PMS1: variants seen among roughly 807,000 people sequenced by gnomAD.
The protein encoded by PMS1 is PMS1 protein homolog 1.
Under a neutral mutation model 93.1 loss-of-function variants are expected in PMS1, and 79 were observed. That is an observed-to-expected ratio of 0.85 (90% CI 0.71 to 1.02). The LOEUF (loss-of-function observed/expected upper bound fraction) is 1.02. Among genes scored for constraint, PMS1 ranks in the 50% least tolerant of loss-of-function variants. PMS1 has a pLI of 0.00. For missense variants in PMS1, 1,064 were observed against 1,085.3 expected (o/e 0.98, Z 0.28); for synonymous variants, 335 against 363.4 (o/e 0.92, Z 0.89).
At chr2:189,799,063 T>C (rs2049634254) in intron 3 of PMS1, among the ~76,000 whole-genome samples, 1 of 152,200 alleles carries the variant, frequency 6.6e-6, no homozygotes, top group African/African-American at 2.4e-5. Flanking sequence ...GTTTCCTTAT[T>C]TGATTACTTA....
At chr2:189,858,633 C>T (rs759302753) in intron 9 of PMS1, among the ~76,000 whole-genome samples, 1 of 151,968 alleles carries the variant, frequency 6.6e-6, no homozygotes, top group Non-Finnish European at 1.5e-5. Context: ...CTCATTTTAC[C>T]ACTGCACAGG....
intron 5 of PMS1, among the ~76,000 whole-genome samples, chr2:189,826,619 A>G (rs577911990): frequency 2.4e-4 from 37 of 152,300 alleles, no homozygotes; most frequent in African/African-American, 8.2e-4. Context: ...TGTAAGCACT[A>G]TTAGGAGTCT....
intron 5 of PMS1, among the ~76,000 whole-genome samples, chr2:189,820,296 CTCT>C (rs1469271063): frequency 6.6e-6 from 1 of 151,940 alleles, no homozygotes; most frequent in Admixed American, 6.6e-5. Flanking sequence ...CTACCATGCT[CTCT>C]TCCTTTTTTT....
chr2:189,876,561 G>A (rs982540201), intron 12 of PMS1, among the ~76,000 whole-genome samples: 3 of 151,842 alleles, frequency 2.0e-5, no homozygotes, highest in African/African-American at 7.3e-5. Context: ...TTCTGTCTGC[G>A]TGAGATGCTT....
chr2:189,802,221 G>A (rs186046869), intron 3 of PMS1, among the ~76,000 whole-genome samples: 214 of 152,264 alleles, frequency 1.4e-3, no homozygotes, highest in African/African-American at 4.8e-3. Context: ...TCGCTATGCA[G>A]TCAAAAATTC....
chr2:189,863,899 A>G lies in PMS1; in HGVS notation c.2013A>G (p.Ser671=). The change falls in exon 10 of 13, where the codon TCA becomes TCG. Residue 671 remains serine (S), a synonymous_variant. Coordinates refer to ENST00000441310, the MANE Select transcript of PMS1 (RefSeq NM_000534.5). ...NLAQKHKLKT[S]LSNQPKLDEL... is the part of the protein sequence containing the mutation. ...CCCAGAAGCACAAGTTAAAAACCTC[A>G]TTATCTAATCAACCAAAACTTGATG... is the stretch of plus-strand genomic sequence containing the variant. The G allele has an allele frequency of 1.2e-6, 2 of 1,613,868 alleles. No homozygotes were observed. Among genetic ancestry groups the G allele is most frequent in the Non-Finnish European group, 1.7e-6 (2 of 1,179,788 alleles).
intron 6 of PMS1, 40 bp downstream of exon 6, chr2:189,844,120 C>G (rs1177021055): frequency 6.2e-7 from 1 of 1,610,536 alleles, no homozygotes; most frequent in Admixed American, 1.7e-5. Flanking sequence ...CTGATTTACT[C>G]ATGAAGCTGT....
At chr2:189,817,579 A>G (rs1332543011) in intron 4 of PMS1, among the ~76,000 whole-genome samples, 1 of 152,198 alleles carries the variant, frequency 6.6e-6, no homozygotes, top group Non-Finnish European at 1.5e-5. Context: ...AAAATGAGGT[A>G]AATTTAACTA....
chr2:189,851,073 T>C (rs2054662712), intron 6 of PMS1, among the ~76,000 whole-genome samples: 1 of 152,234 alleles, frequency 6.6e-6, no homozygotes, highest in Non-Finnish European at 1.5e-5. Flanking sequence ...TCTCAAGTTA[T>C]TTTTCCATGA....
At chr2:189,852,176 T>TA (rs1396223891) in intron 6 of PMS1, among the ~76,000 whole-genome samples, 1 of 152,072 alleles carries the variant, frequency 6.6e-6, no homozygotes, top group Non-Finnish European at 1.5e-5. Flanking sequence ...TTTTTTTTTT[T>TA]AACTCAGAAA....
chr2:189,871,580 C>A (rs1021122223), intron 11 of PMS1, among the ~76,000 whole-genome samples: 4 of 152,202 alleles, frequency 2.6e-5, no homozygotes, highest in Non-Finnish European at 5.9e-5. Context: ...GCATTTTAGT[C>A]ACAACCATTT....
intron 6 of PMS1, among the ~76,000 whole-genome samples, chr2:189,850,405 C>CCTGCTAGCT (rs995478524): frequency 2.6e-5 from 4 of 152,004 alleles, no homozygotes; most frequent in African/African-American, 9.7e-5. Flanking sequence ...GATGAGCTAG[C>CCTGCTAGCT]AGGATAGAAG....
At chr2:189,805,917 C>T in intron 4 of PMS1, 163 bp downstream of exon 4, 2 of 1,521,396 alleles carry the variant, frequency 1.3e-6, no homozygotes, top group Non-Finnish European at 1.8e-6. Flanking sequence ...ATTCTAGCCA[C>T]CAATTTCTTA....
At position 189,870,807 on chromosome 2, in the gene PMS1, C is replaced by A. The variant is rs146139665; in HGVS notation, c.2474-2689C>A. On this transcript the variant is annotated intron_variant, in intron 11 of 12. Transcript: ENST00000441310. ...AGATGTGAACTAGAATATTCTGCTA[C>A]TGCTTTTTGCCTACCACACACAGTT... is the stretch of plus-strand genomic sequence containing the variant. Among the ~76,000 whole-genome samples the A allele has an allele frequency of 3.9e-5, 6 of 152,290 alleles. No individual in the cohort carries two copies. In the East Asian group the frequency reaches 1.2e-3, roughly 29 times the overall value.
chr2:189,877,446 T>A lies in PMS1; in HGVS notation c.*10T>A, dbSNP rs5743199. On this transcript the variant is annotated 3_prime_UTR_variant, in exon 13 of 13. Coordinates refer to ENST00000441310, the MANE Select transcript of PMS1 (RefSeq NM_000534.5). ...TCCAGAAACTACATGATTAAATATG[T>A]TTAAGAAGATTAGTTACCATTGAAA... 5.5e-3 allele frequency: 8,712 copies of A among 1,583,814 alleles called. 415 individuals are homozygous for A. In the African/African-American group the frequency reaches 0.1, roughly 19 times the overall value.
Position 189,795,914 on chromosome 2 carries a change from G to A in PMS1, c.278G>A (p.Arg93His), listed in dbSNP as rs778185859. Residue 93 changes from arginine to histidine, a missense_variant, in exon 3 of 13, where the codon CGT becomes CAT. Coordinates refer to ENST00000441310, the MANE Select transcript of PMS1 (RefSeq NM_000534.5). ...GAAAATTTGACAACTTACGGTTTTC[G>A]TGGAGAAGCCTTGGGGTCAATTTGT... ...DLENLTTYGF[R>H]GEALGSICCI... is the part of the protein sequence containing the mutation. 77 of 1,613,398 alleles carry A rather than the reference G, an allele frequency of 4.8e-5. No individual in the cohort carries two copies. Among genetic ancestry groups the A allele is most frequent in the Middle Eastern group, 1.6e-4 (1 of 6,082 alleles).
rs926639495 is a variant in PMS1 at position 189,817,661 on chromosome 2, C to A, written c.419-356C>A. 5.3e-5 allele frequency among the ~76,000 whole-genome samples: 8 copies of A among 152,154 alleles called. No homozygotes were observed. In the South Asian group the frequency reaches 6.2e-4, roughly 12 times the overall value. On this transcript the variant is annotated intron_variant, in intron 4 of 12. Coordinates refer to ENST00000441310, the MANE Select transcript of PMS1 (RefSeq NM_000534.5). The stretch of plus-strand genomic sequence containing the variant: ...TATTATATAAACTGTAATATTATAT[C>A]TCCTATAAATTATATTTTAAAGTCC...
intron 2 of PMS1, among the ~76,000 whole-genome samples, chr2:189,792,688 A>AGT: frequency 7.9e-6 from 1 of 127,258 alleles, no homozygotes; most frequent in Non-Finnish European, 1.7e-5. Flanking sequence ...TATGGACACA[A>AGT]ATATATATAT....
At chr2:189,847,538 A>G (rs1034479722) in intron 6 of PMS1, among the ~76,000 whole-genome samples, 3 of 152,116 alleles carry the variant, frequency 2.0e-5, no homozygotes, top group African/African-American at 7.2e-5. Flanking sequence ...TTATGGATAC[A>G]AAACTTGGGT....
Sources: gnomAD v4.1 joint callset for allele counts (sites outside exome capture counted in the v4.1 genomes callset) on GRCh38, gnomAD v4.1.1 for gene constraint, MANE v1.5 for transcripts, NCBI Gene and HGNC (gene_info 2026-07-23, HGNC 2026-07-21) for gene names.